Variants in PTPRD observed in about 807,000 individuals in gnomAD.
PTPRD encodes protein tyrosine phosphatase receptor type D.
In PTPRD, 34 loss-of-function variants were observed where a neutral mutation model predicts 214.5. The ratio of observed to expected loss-of-function variants is 0.16; its 90% CI spans 0.12 to 0.21. PTPRD has a LOEUF of 0.21. Ranked by LOEUF, PTPRD falls within the 10% of genes least tolerant of loss-of-function variation. PTPRD has a pLI of 1.00. For synonymous variants in PTPRD, 1,128 were observed against 845.7 expected (o/e 1.33, Z -5.79); for missense variants, 2,545 against 2,398.7 (o/e 1.06, Z -1.27).
intron 3 of PTPRD, among the ~76,000 whole-genome samples, chr9:10,049,435 GA>G (rs377028723): frequency 3.4e-3 from 409 of 119,198 alleles, no homozygotes; most frequent in African/African-American, 9.6e-3. Flanking sequence ...AAGAAAGAAA[GA>G]AAAGAAAAAA....
chr9:10,401,964 T>C (rs2154497010), intron 2 of PTPRD, among the ~76,000 whole-genome samples: 1 of 151,592 alleles, frequency 6.6e-6, no homozygotes, highest in Non-Finnish European at 1.5e-5. Flanking sequence ...ATTGAACATA[T>C]TCCAGAGATA....
intron 5 of PTPRD, among the ~76,000 whole-genome samples, chr9:9,782,387 T>G (rs1487113312): frequency 6.6e-6 from 1 of 152,210 alleles, no homozygotes; most frequent in African/African-American, 2.4e-5. Flanking sequence ...ATTGCTATGA[T>G]TGTTCATTGA....
At chr9:8,598,215 G>T (rs1462627825) in intron 14 of PTPRD, among the ~76,000 whole-genome samples, 1 of 152,108 alleles carries the variant, frequency 6.6e-6, no homozygotes, top group Non-Finnish European at 1.5e-5. Context: ...ACTCTGGGAG[G>T]CCGAGGAGGG....
intron 3 of PTPRD, among the ~76,000 whole-genome samples, chr9:10,101,585 A>T (rs531882484): frequency 1.2e-4 from 18 of 151,738 alleles, no homozygotes; most frequent in African/African-American, 4.3e-4. Context: ...TCAATGATAG[A>T]AACAGTTCTT....
intron 8 of PTPRD, among the ~76,000 whole-genome samples, chr9:9,564,597 A>C (rs927097454): frequency 1.3e-5 from 2 of 151,996 alleles, no homozygotes; most frequent in Non-Finnish European, 2.9e-5. Context: ...CTTTTTTTAA[A>C]CAATTTTCAA....
At chr9:9,397,167 C>A (rs2068201695) in intron 9 of PTPRD, among the ~76,000 whole-genome samples, 1 of 151,874 alleles carries the variant, frequency 6.6e-6, no homozygotes. Context: ...GAGTAACTAA[C>A]AACAGGATAT....
intron 4 of PTPRD, among the ~76,000 whole-genome samples, chr9:9,969,475 A>ATTTTT (rs2094941394): frequency 6.6e-6 from 1 of 152,228 alleles, no homozygotes; most frequent in Non-Finnish European, 1.5e-5. Context: ...AGGTATGCAG[A>ATTTTT]AATGCAACTT....
rs2098426736 is a variant in PTPRD at position 8,879,825 on chromosome 9, C to T, written c.-104+138872G>A. ...GGACCAAATCTGGAAGCCAAGTGTC[C>T]AGTCATCCATTTCCTGAGACTGCTC... On this transcript the variant is annotated intron_variant, in intron 11 of 45. Coordinates refer to ENST00000381196, the MANE Select transcript of PTPRD (RefSeq NM_002839.4). Among the ~76,000 whole-genome samples, 3 of 152,204 alleles carry T rather than the reference C, an allele frequency of 2.0e-5. No individual in the cohort carries two copies. The South Asian group carries it at 6.2e-4, about 32-fold the overall frequency.
At chr9:9,386,161 C>T (rs753314906) in intron 9 of PTPRD, among the ~76,000 whole-genome samples, 1 of 152,078 alleles carries the variant, frequency 6.6e-6, no homozygotes, top group African/African-American at 2.4e-5. Flanking sequence ...ACAATGACAG[C>T]GTCCAATATA....
Position 8,821,808 on chromosome 9 carries a change from G to C in PTPRD, c.-103-87862C>G, listed in dbSNP as rs1600894423. On this transcript the variant is annotated intron_variant, in intron 11 of 45. Transcript: ENST00000381196. ...GCCTCCCGAGTAGCTGGGATTACAGGCAACTGCCACCATGCCCCACTAATT... is the reference window on the plus strand; with the variant it reads ...GCCTCCCGAGTAGCTGGGATTACAGCCAACTGCCACCATGCCCCACTAATT... Among the ~76,000 whole-genome samples the C allele has an allele frequency of 3.3e-5, 5 of 152,274 alleles. No homozygotes were observed. The South Asian group carries it at 8.3e-4, about 25-fold the overall frequency.
At chr9:10,121,703 C>A (rs989445301) in intron 3 of PTPRD, among the ~76,000 whole-genome samples, 7 of 152,176 alleles carry the variant, frequency 4.6e-5, no homozygotes, top group Non-Finnish European at 1.0e-4. Flanking sequence ...GGCTTCATGT[C>A]TTACATCATT....
intron 11 of PTPRD, among the ~76,000 whole-genome samples, chr9:8,744,402 G>C (rs1483490778): frequency 6.6e-6 from 1 of 152,154 alleles, no homozygotes; most frequent in African/African-American, 2.4e-5. Flanking sequence ...CAGCCCAAAT[G>C]CCCATCAATC....
At chr9:9,025,516 G>A (rs900936203) in intron 10 of PTPRD, among the ~76,000 whole-genome samples, 3 of 152,006 alleles carry the variant, frequency 2.0e-5, no homozygotes, top group African/African-American at 7.2e-5. Flanking sequence ...AACCCATGGA[G>A]CTTCAAAGAT....
intron 8 of PTPRD, among the ~76,000 whole-genome samples, chr9:9,466,876 T>A (rs1039918660): frequency 6.6e-6 from 1 of 152,178 alleles, no homozygotes; most frequent in African/African-American, 2.4e-5. Context: ...TAATCTATAC[T>A]TTTTGTTCTT....
chr9:9,843,043 T>C (rs1448999105), intron 5 of PTPRD, among the ~76,000 whole-genome samples: 2 of 152,130 alleles, frequency 1.3e-5, no homozygotes, highest in Non-Finnish European at 2.9e-5. Context: ...CTTGTGTTCA[T>C]AAATAAGGTT....
At chr9:9,355,028 T>C (rs1569567655) in intron 9 of PTPRD, among the ~76,000 whole-genome samples, 1 of 151,600 alleles carries the variant, frequency 6.6e-6, no homozygotes, top group African/African-American at 2.4e-5. Flanking sequence ...ATGGATGAAG[T>C]TGGTGGAGGA....
chr9:10,497,549 C>T (rs899467708), intron 2 of PTPRD, among the ~76,000 whole-genome samples: 4 of 151,910 alleles, frequency 2.6e-5, no homozygotes, highest in East Asian at 1.9e-4. Context: ...TTTATTTGCG[C>T]ATTTAAAAGT....
chr9:10,305,989 G>A (rs10959036), intron 3 of PTPRD, among the ~76,000 whole-genome samples: 1 of 151,872 alleles, frequency 6.6e-6, no homozygotes, highest in African/African-American at 2.4e-5. Flanking sequence ...TTATTGCAGT[G>A]CTGTTCCTAG....
chr9:10,151,651 T>G (rs2099062087), intron 3 of PTPRD, among the ~76,000 whole-genome samples: 1 of 152,092 alleles, frequency 6.6e-6, no homozygotes, highest in Admixed American at 6.6e-5. Flanking sequence ...ACTGTGAGTT[T>G]TGGTAAATGC....
Sources: gnomAD v4.1 joint callset for allele counts (sites outside exome capture counted in the v4.1 genomes callset) on GRCh38, gnomAD v4.1.1 for gene constraint, MANE v1.5 for transcripts, NCBI Gene and HGNC (gene_info 2026-07-23, HGNC 2026-07-21) for gene names.